CSGALNACT2: variants seen among roughly 807,000 people sequenced by gnomAD.
CSGALNACT2 encodes the protein beta 4 GalNAcT-2.
In CSGALNACT2, 35 loss-of-function variants were observed where a neutral mutation model predicts 55.3. The observed-to-expected ratio is 0.63, with a 90% CI of 0.48 to 0.84. The LOEUF (loss-of-function observed/expected upper bound fraction) is 0.84. CSGALNACT2 is among the 40% of genes least tolerant of loss of function. CSGALNACT2 has a pLI of 0.00. For missense variants in CSGALNACT2, 544 were observed against 657.5 expected, an observed-to-expected ratio of 0.83 and a Z score of 1.89; for synonymous variants, 196 against 224.9, an observed-to-expected ratio of 0.87 and a Z score of 1.15.
Position 43,163,784 on chromosome 10 carries a change from A to G in CSGALNACT2, c.981-82A>G, listed in dbSNP as rs1186917681. On this transcript the variant is annotated intron_variant, in intron 4 of 7. Transcript: ENST00000374466. The stretch of plus-strand genomic sequence containing the variant: ...TAATCAAATATTTGAAGTGTAAAAC[A>G]TATTTTGTAAGCTGTGTTGAAGGAA... 17 of 1,444,662 alleles carry G rather than the reference A, an allele frequency of 1.2e-5. 1 individual carries two copies. The highest frequency in any genetic ancestry group is 1.5e-5 in the South Asian group (1 of 64,704). The allele number at this position is 1,444,662 out of a possible 1,614,324, so 89.5% of individuals were successfully genotyped here. A position where few individuals can be genotyped will look rare whatever the true frequency, so the allele number is the denominator to read the frequency against.
chr10:43,146,830 G>GT (rs1486766984), intron 1 of CSGALNACT2, among the ~76,000 whole-genome samples: 1 of 151,448 alleles, frequency 6.6e-6, no homozygotes, highest in Non-Finnish European at 1.5e-5. Context: ...GAAAGTTCTA[G>GT]TCCTTCCACG....
chr10:43,179,241 G>C (rs2133156688), intron 7 of CSGALNACT2, among the ~76,000 whole-genome samples: 2 of 143,662 alleles, frequency 1.4e-5, no homozygotes, highest in Middle Eastern at 3.8e-3. Flanking sequence ...AGTTTTTGTT[G>C]CTTGCCGGTT....
intron 5 of CSGALNACT2, among the ~76,000 whole-genome samples, chr10:43,165,212 G>A (rs1232649107): frequency 6.6e-6 from 1 of 151,772 alleles, no homozygotes; most frequent in Non-Finnish European, 1.5e-5. Context: ...GCGACAGGGC[G>A]ACATTCTGTC....
At chr10:43,168,591 A>G (rs1839316709) in intron 6 of CSGALNACT2, among the ~76,000 whole-genome samples, 1 of 152,108 alleles carries the variant, frequency 6.6e-6, no homozygotes, top group East Asian at 1.9e-4. Flanking sequence ...AAGAGCAGGT[A>G]ATATTAGCAC....
intron 2 of CSGALNACT2, 98 bp downstream of exon 2, chr10:43,155,908 C>A: frequency 9.9e-7 from 1 of 1,006,860 alleles, no homozygotes; most frequent in Non-Finnish European, 1.5e-6. Flanking sequence ...TAGACAAATG[C>A]TAGTATTGTA....
chr10:43,156,134 TC>T, intron 2 of CSGALNACT2, among the ~76,000 whole-genome samples: 1 of 152,350 alleles, frequency 6.6e-6, no homozygotes, highest in South Asian at 2.1e-4. Flanking sequence ...ATCTTGGTGT[TC>T]TTTTTTATGT....
chr10:43,182,451 T>G (rs1040546214), intron 7 of CSGALNACT2, among the ~76,000 whole-genome samples: 1 of 152,180 alleles, frequency 6.6e-6, no homozygotes, highest in Admixed American at 6.5e-5. Context: ...CCAAATTCCT[T>G]CAGTAATTTC....
chr10:43,163,293 C>A, intron 4 of CSGALNACT2: 2 of 857,686 alleles, frequency 2.3e-6, no homozygotes, highest in Non-Finnish European at 2.8e-6. Context: ...TATCAGGGGA[C>A]ACTGCATCCA....
intron 2 of CSGALNACT2, among the ~76,000 whole-genome samples, chr10:43,158,143 A>G (rs1839058330): frequency 6.6e-6 from 1 of 151,792 alleles, no homozygotes; most frequent in African/African-American, 2.4e-5. Context: ...ACTTCACTCT[A>G]GTCAGTGATT....
intron 6 of CSGALNACT2, among the ~76,000 whole-genome samples, chr10:43,174,069 C>T (rs1003480839): frequency 2.6e-5 from 4 of 152,024 alleles, no homozygotes; most frequent in Non-Finnish European, 4.4e-5. Context: ...ATTTATTCAA[C>T]ACGTATTTAT....
chr10:43,177,562 T>A (rs1313523342), intron 7 of CSGALNACT2, among the ~76,000 whole-genome samples: 1 of 152,260 alleles, frequency 6.6e-6, no homozygotes, highest in African/African-American at 2.4e-5. Context: ...ACATAATGTT[T>A]TCAAAGTTCA....
intron 6 of CSGALNACT2, among the ~76,000 whole-genome samples, chr10:43,167,325 T>C (rs963711965): frequency 2.6e-5 from 4 of 151,314 alleles, no homozygotes; most frequent in Non-Finnish European, 4.4e-5. Context: ...GAGCAGAGTT[T>C]AGGTCATAAA....
At chr10:43,149,708 T>G (rs1441953427) in intron 1 of CSGALNACT2, among the ~76,000 whole-genome samples, 1 of 152,246 alleles carries the variant, frequency 6.6e-6, no homozygotes, top group East Asian at 1.9e-4. Flanking sequence ...TATAGAATGC[T>G]TCCTCTTCTA....
chr10:43,159,867 T>G, intron 3 of CSGALNACT2, among the ~76,000 whole-genome samples: 1 of 152,252 alleles, frequency 6.6e-6, no homozygotes. Context: ...TTTAATGCTT[T>G]GTGATCCTAG....
At position 43,158,733 on chromosome 10, in the gene CSGALNACT2, G is replaced by A. The variant is rs374409571; in HGVS notation, c.680G>A (p.Arg227Lys). 1.4e-5 allele frequency: 22 copies of A among 1,603,848 alleles called. No individual in the cohort carries two copies. In the African/African-American group the frequency reaches 2.9e-4, roughly 21 times the overall value. The change falls in exon 3 of 8, where the codon AGA becomes AAA. Residue 227 changes from arginine (R) to lysine (K), a missense_variant. Around this residue, in one of 2 missense-constraint regions of CSGALNACT2, gnomAD observed 374 missense variants for 401.3 expected, o/e 0.93. Transcript: ENST00000374466. ...DFVEGYYRTERDKGTQYELFF... is the reference protein window; with the variant it reads ...DFVEGYYRTEKDKGTQYELFF... The stretch of plus-strand genomic sequence containing the variant: ...CCTTTAGGTTATTATCGCACTGAGA[G>A]AGATAAGGGCACACAGTATGAACTC...
At chr10:43,168,805 AATT>A (rs1368328987) in intron 6 of CSGALNACT2, among the ~76,000 whole-genome samples, 7 of 152,204 alleles carry the variant, frequency 4.6e-5, no homozygotes, top group Non-Finnish European at 1.5e-5. Flanking sequence ...TCTGACGGTG[AATT>A]ATTCTGAAGA....
intron 4 of CSGALNACT2, chr10:43,163,165 AG>A (rs1186328464): frequency 1.0e-6 from 1 of 985,222 alleles, no homozygotes; most frequent in Non-Finnish European, 1.2e-6. Context: ...ATTTTAACCA[AG>A]GCATAACTCA....
intron 1 of CSGALNACT2, among the ~76,000 whole-genome samples, chr10:43,139,995 A>G (rs1422944123): frequency 6.6e-6 from 1 of 152,024 alleles, no homozygotes; most frequent in Non-Finnish European, 1.5e-5. Flanking sequence ...GGAGTTCGAG[A>G]CCAGCCTGGC....
chr10:43,150,156 TTTA>T (rs1411994161), intron 1 of CSGALNACT2, among the ~76,000 whole-genome samples: 3 of 152,218 alleles, frequency 2.0e-5, no homozygotes, highest in Admixed American at 6.5e-5. Context: ...GAGTAGTTTT[TTTA>T]TTATTATTAA....
Sources: gnomAD v4.1 joint callset for allele counts (sites outside exome capture counted in the v4.1 genomes callset) on GRCh38, gnomAD v4.1.1 for gene constraint, gnomAD v4.1.1 regional missense constraint, MANE v1.5 for transcripts, NCBI Gene and HGNC (gene_info 2026-07-23, HGNC 2026-07-21) for gene names.